Variants in CSMD1 observed in about 807,000 individuals in gnomAD.
CSMD1 encodes the protein CUB and sushi domain-containing protein 1.
Under a neutral mutation model 417.5 loss-of-function variants are expected in CSMD1, and 213 were observed. That is an observed-to-expected ratio of 0.51 (90% CI 0.46 to 0.57). The LOEUF (loss-of-function observed/expected upper bound fraction) is 0.57. Among genes scored for constraint, CSMD1 ranks in the 20% least tolerant of loss-of-function variants. The pLI, the probability that CSMD1 is intolerant of heterozygous loss-of-function variation, is 0.00. For synonymous variants in CSMD1, 2,862 were observed against 1,736.8 expected (o/e 1.65, Z -16.11); for missense variants, 6,923 against 4,529.7 (o/e 1.53, Z -15.17).
chr8:4,637,300 T>G, intron 2 of CSMD1, 42 bp downstream of exon 2: 2 of 1,444,090 alleles, frequency 1.4e-6, no homozygotes, highest in Non-Finnish European at 1.9e-6. Flanking sequence ...AATCTGTGTA[T>G]TCAAACAGTG....
At chr8:4,259,941 G>A (rs909843989) in intron 3 of CSMD1, among the ~76,000 whole-genome samples, 2 of 151,800 alleles carry the variant, frequency 1.3e-5, no homozygotes, top group Non-Finnish European at 2.9e-5. Flanking sequence ...TATCCATTTT[G>A]CTAACAAATG....
At chr8:4,952,369 A>C (rs1808811989) in intron 1 of CSMD1, among the ~76,000 whole-genome samples, 1 of 152,070 alleles carries the variant, frequency 6.6e-6, no homozygotes, top group Admixed American at 6.6e-5. Context: ...GTATGCGTTG[A>C]TTCAAATGTC....
intron 41 of CSMD1, among the ~76,000 whole-genome samples, chr8:3,138,812 A>G (rs1381332236): frequency 2.6e-5 from 4 of 152,252 alleles, no homozygotes; most frequent in African/African-American, 9.6e-5. Context: ...AGCCAGAGAG[A>G]CAGCAGATCC....
chr8:4,434,295 G>A (rs1021361807), intron 2 of CSMD1, among the ~76,000 whole-genome samples: 4 of 152,192 alleles, frequency 2.6e-5, no homozygotes, highest in African/African-American at 9.7e-5. Context: ...GAACCTTGGA[G>A]ATGGAGGTTG....
At chr8:3,754,104 C>A (rs1303926129) in intron 5 of CSMD1, 62 bp from the exon 6 acceptor site, 2 of 1,051,678 alleles carry the variant, frequency 1.9e-6, no homozygotes, top group Non-Finnish European at 2.9e-6. Context: ...TGTCCTATAT[C>A]AAACCCGCTT....
intron 12 of CSMD1, among the ~76,000 whole-genome samples, chr8:3,415,700 T>C (rs894826489): frequency 3.3e-5 from 5 of 152,208 alleles, no homozygotes; most frequent in Non-Finnish European, 2.9e-5. Flanking sequence ...TTATATGTTG[T>C]ATTTATATGA....
At chr8:2,943,524 G>A (rs191667249) in intron 68 of CSMD1, among the ~76,000 whole-genome samples, 4 of 152,236 alleles carry the variant, frequency 2.6e-5, no homozygotes, top group South Asian at 2.1e-4. Flanking sequence ...CACCACACCT[G>A]ACCTAAAATA....
intron 25 of CSMD1, among the ~76,000 whole-genome samples, chr8:3,292,210 G>T (rs1034105107): frequency 6.6e-5 from 10 of 152,154 alleles, no homozygotes; most frequent in Admixed American, 6.6e-5. Flanking sequence ...TGTAATTTCT[G>T]TTCCTTTACA....
At chr8:4,146,209 G>T (rs987560094) in intron 3 of CSMD1, among the ~76,000 whole-genome samples, 5 of 150,972 alleles carry the variant, frequency 3.3e-5, no homozygotes, top group African/African-American at 9.9e-5. Context: ...GGGTGATATC[G>T]TTTGGAAACA....
At chr8:3,015,044 C>G (rs1373376683) in intron 52 of CSMD1, among the ~76,000 whole-genome samples, 2 of 151,822 alleles carry the variant, frequency 1.3e-5, no homozygotes, top group Non-Finnish European at 2.9e-5. Flanking sequence ...AATATAAACA[C>G]CTAATATGTA....
Position 2,938,495 on chromosome 8 carries a change from T to TGGAAG in CSMD1, c.*85_*89dup, listed in dbSNP as rs1370548941. 1 of 1,264,200 alleles carries TGGAAG rather than the reference T, an allele frequency of 7.9e-7. No homozygotes were observed. The highest frequency in any genetic ancestry group is 1.5e-5 in the African/African-American group (1 of 66,900). The allele number at this position is 1,264,200 out of a possible 1,614,324, so 78.3% of individuals were successfully genotyped here. On this transcript the variant is annotated 3_prime_UTR_variant, in exon 70 of 70. Coordinates refer to ENST00000635120, the MANE Select transcript of CSMD1 (RefSeq NM_033225.6). Reference sequence around the variant, plus strand: ...GAAGATCGCTGCAGTAAAGCCAGAGTGGAAGGGAGAGTGGTATATGGCACC... The same window carrying TGGAAG: ...GAAGATCGCTGCAGTAAAGCCAGAGTGGAAGGGAAGGGAGAGTGGTATATGGCACC...
In CSMD1 at chr8:3,348,055, T is replaced by G; in HGVS notation, c.3411A>C (p.Glu1137Asp). The change falls in exon 22 of 70, where the codon GAA becomes GAC. Residue 1137 changes from glutamate (E) to aspartate (D), a missense_variant. Coordinates refer to ENST00000635120, the MANE Select transcript of CSMD1 (RefSeq NM_033225.6). The stretch of plus-strand genomic sequence containing the variant: ...TTCTAAGGTGGATGCCCTTGCCGGC[T>G]TCTGTTTCTATTTTATAGATACACT... Reference protein sequence around the residue: ...NHECIYKIETEAGKGIHLRTR... With the variant: ...NHECIYKIETDAGKGIHLRTR... 6.2e-7 allele frequency: 1 copy of G among 1,612,084 alleles called. No homozygotes were observed. The highest frequency in any genetic ancestry group is 1.7e-5 in the Admixed American group (1 of 59,786).
chr8:3,580,637 A>C (rs1800342851), intron 9 of CSMD1, among the ~76,000 whole-genome samples: 1 of 152,172 alleles, frequency 6.6e-6, no homozygotes, highest in South Asian at 2.1e-4. Flanking sequence ...AAAAGTATAA[A>C]GCTTCAGGAG....
intron 2 of CSMD1, among the ~76,000 whole-genome samples, chr8:4,596,925 G>C (rs997739883): frequency 6.6e-6 from 1 of 152,120 alleles, no homozygotes; most frequent in Non-Finnish European, 1.5e-5. Flanking sequence ...TTTATCAGGG[G>C]TTTCCGCTTT....
At chr8:3,692,257 C>G (rs754301659) in intron 7 of CSMD1, among the ~76,000 whole-genome samples, 4 of 152,160 alleles carry the variant, frequency 2.6e-5, no homozygotes, top group Non-Finnish European at 5.9e-5. Flanking sequence ...TAGTCGCTAT[C>G]CTGCGATTTC....
chr8:4,959,964 A>G (rs997518713), intron 1 of CSMD1, among the ~76,000 whole-genome samples: 1 of 152,178 alleles, frequency 6.6e-6, no homozygotes, highest in Non-Finnish European at 1.5e-5. Context: ...AAAAATAGGA[A>G]AATGTATTTT....
chr8:4,299,774 G>C (rs1324931191), intron 3 of CSMD1, among the ~76,000 whole-genome samples: 1 of 151,972 alleles, frequency 6.6e-6, no homozygotes, highest in Non-Finnish European at 1.5e-5. Flanking sequence ...GAGATTACAG[G>C]TACGTGCCAC....
chr8:4,979,918 C>G (rs4521778), intron 1 of CSMD1, among the ~76,000 whole-genome samples: 102,616 of 151,940 alleles, frequency 0.68, 35,474 homozygotes, highest in Middle Eastern at 0.82. Flanking sequence ...GGCGCCAGTA[C>G]TCCCAGCTAC....
At chr8:3,687,667 G>C (rs542944244) in intron 7 of CSMD1, among the ~76,000 whole-genome samples, 9 of 152,180 alleles carry the variant, frequency 5.9e-5, no homozygotes, top group Non-Finnish European at 1.2e-4. Flanking sequence ...CGCACGCTAG[G>C]ACCGAGGCTC....
Sources: gnomAD v4.1 joint callset for allele counts (sites outside exome capture counted in the v4.1 genomes callset) on GRCh38, gnomAD v4.1.1 for gene constraint, MANE v1.5 for transcripts, NCBI Gene and HGNC (gene_info 2026-07-23, HGNC 2026-07-21) for gene names.